DENND1A: variants seen among roughly 807,000 people sequenced by gnomAD.
DENND1A encodes DENN domain containing 1A, also known as DENN domain-containing protein 1A.
In DENND1A, 51 loss-of-function variants were observed where a neutral mutation model predicts 113.7. The observed-to-expected ratio is 0.45, with a 90% CI of 0.36 to 0.57. The LOEUF (loss-of-function observed/expected upper bound fraction) is 0.57. DENND1A is among the 20% of genes least tolerant of loss of function. DENND1A has a pLI of 0.00. For synonymous variants in DENND1A, 565 were observed against 570.8 expected, an observed-to-expected ratio of 0.99 and a Z score of 0.14; for missense variants, 1,258 against 1,395.9, an observed-to-expected ratio of 0.90 and a Z score of 1.57.
chr9:123,658,608 G>A (rs575138613), intron 8 of DENND1A, among the ~76,000 whole-genome samples: 3 of 152,286 alleles, frequency 2.0e-5, no homozygotes, highest in Non-Finnish European at 4.4e-5. Context: ...AATTTTTTAA[G>A]TTTGCTTTTC....
At chr9:123,406,069 T>C (rs2131371742) in intron 20 of DENND1A, among the ~76,000 whole-genome samples, 1 of 152,254 alleles carries the variant, frequency 6.6e-6, no homozygotes, top group Middle Eastern at 3.4e-3. Context: ...CTGAACATCG[T>C]ACCCCCCACC....
chr9:123,454,636 A>G (rs1401729008), intron 16 of DENND1A, 103 bp downstream of exon 16: 4 of 1,170,492 alleles, frequency 3.4e-6, no homozygotes, highest in Non-Finnish European at 3.7e-6. Context: ...TCCAGCAGAG[A>G]GAATGGAGTG....
At chr9:123,841,525 A>G (rs1351827459) in intron 2 of DENND1A, among the ~76,000 whole-genome samples, 5 of 152,208 alleles carry the variant, frequency 3.3e-5, no homozygotes, top group African/African-American at 1.2e-4. Flanking sequence ...CTACCCTCAC[A>G]GAGTTTAAGG....
chr9:123,564,579 T>C (rs1011284404), intron 12 of DENND1A, among the ~76,000 whole-genome samples: 3 of 152,242 alleles, frequency 2.0e-5, no homozygotes, highest in Non-Finnish European at 4.4e-5. Context: ...TCACCCACCA[T>C]TGCCCCCCTG....
At chr9:123,726,141 G>A (rs1227568369) in intron 5 of DENND1A, among the ~76,000 whole-genome samples, 1 of 152,144 alleles carries the variant, frequency 6.6e-6, no homozygotes, top group Non-Finnish European at 1.5e-5. Flanking sequence ...AATATTTGTT[G>A]AATAAAATGT....
intron 13 of DENND1A, among the ~76,000 whole-genome samples, chr9:123,502,003 T>C (rs2052529084): frequency 6.6e-6 from 1 of 152,326 alleles, no homozygotes; most frequent in Admixed American, 6.5e-5. Context: ...ATCTCTCCTA[T>C]TGGTTCTGTC....
intron 21 of DENND1A, among the ~76,000 whole-genome samples, chr9:123,397,058 A>T (rs911269665): frequency 6.6e-6 from 1 of 152,216 alleles, no homozygotes; most frequent in African/African-American, 2.4e-5. Flanking sequence ...AATAGATCTC[A>T]TAAGACCTCC....
At chr9:123,892,272 T>C (rs73669013) in intron 1 of DENND1A, among the ~76,000 whole-genome samples, 12,758 of 152,234 alleles carry the variant, frequency 0.084, 1,128 homozygotes, top group African/African-American at 0.22. Flanking sequence ...TCATGGTGCA[T>C]TGGATAGAGT....
intron 5 of DENND1A, among the ~76,000 whole-genome samples, chr9:123,680,439 A>T (rs751702061): frequency 7.9e-5 from 12 of 152,272 alleles, no homozygotes; most frequent in Non-Finnish European, 1.3e-4. Flanking sequence ...TTATGGCAGC[A>T]ACAGCCCATA....
intron 5 of DENND1A, among the ~76,000 whole-genome samples, chr9:123,725,287 G>A (rs1383597656): frequency 6.6e-6 from 1 of 152,180 alleles, no homozygotes; most frequent in Admixed American, 6.5e-5. Context: ...AGGAATTTAT[G>A]AAGCCTTTTA....
At chr9:123,899,618 T>C (rs1851288361) in intron 1 of DENND1A, among the ~76,000 whole-genome samples, 1 of 152,248 alleles carries the variant, frequency 6.6e-6, no homozygotes. Context: ...ATGTAAAGTT[T>C]AATATATAAA....
At chr9:123,815,682 A>T (rs907562923) in intron 2 of DENND1A, among the ~76,000 whole-genome samples, 1 of 152,208 alleles carries the variant, frequency 6.6e-6, no homozygotes, top group African/African-American at 2.4e-5. Flanking sequence ...ACTTAAAACT[A>T]AATAGTTTTA....
chr9:123,443,410 T>C (rs2047072977), intron 18 of DENND1A, among the ~76,000 whole-genome samples: 1 of 152,238 alleles, frequency 6.6e-6, no homozygotes, highest in Admixed American at 6.5e-5. Context: ...TGCTGTCAAA[T>C]AAACCTTTGT....
At position 123,806,003 on chromosome 9, in the gene DENND1A, G is replaced by A. The variant is rs937043368; in HGVS notation, c.89-13373C>T. Among the ~76,000 whole-genome samples, 6 of 152,152 alleles carry A rather than the reference G, an allele frequency of 3.9e-5. No individual in the cohort carries two copies. The East Asian group carries it at 9.6e-4, about 24-fold the overall frequency. ...GAGTCTCGCTCTATCACCCAGGCTG[G>A]AGTGCAGTGGCACTATCTCTCCTCA... On this transcript the variant is annotated intron_variant, in intron 2 of 23. Transcript: ENST00000394215.
At chr9:123,486,387 C>T (rs1046648969) in intron 13 of DENND1A, among the ~76,000 whole-genome samples, 1 of 152,070 alleles carries the variant, frequency 6.6e-6, no homozygotes, top group South Asian at 2.1e-4. Context: ...TCACAGACAG[C>T]GTCACCTTGG....
intron 13 of DENND1A, among the ~76,000 whole-genome samples, chr9:123,499,969 T>C (rs1438280230): frequency 6.6e-6 from 1 of 152,202 alleles, no homozygotes; most frequent in Non-Finnish European, 1.5e-5. Flanking sequence ...CAAGGAAGCA[T>C]GGGCTCCCTT....
intron 13 of DENND1A, among the ~76,000 whole-genome samples, chr9:123,527,701 G>C (rs1306704066): frequency 1.4e-4 from 21 of 152,038 alleles, no homozygotes. Flanking sequence ...TTTCTGCACT[G>C]GTCTGACCCA....
intron 11 of DENND1A, among the ~76,000 whole-genome samples, chr9:123,601,240 C>T (rs989575162): frequency 4.6e-5 from 7 of 152,146 alleles, no homozygotes; most frequent in Admixed American, 1.3e-4. Context: ...AGACTGAAAA[C>T]GTACTGACTG....
intron 11 of DENND1A, among the ~76,000 whole-genome samples, chr9:123,602,867 G>A (rs549093056): frequency 2.6e-5 from 4 of 152,232 alleles, no homozygotes; most frequent in South Asian, 2.1e-4. Flanking sequence ...TTAATTTTAC[G>A]TAGAGATGAG....
Sources: allele counts gnomAD v4.1 joint callset (sites outside exome capture counted in the v4.1 genomes callset), GRCh38; gene constraint gnomAD v4.1.1; transcripts MANE v1.5; gene names NCBI Gene and HGNC (gene_info 2026-07-23, HGNC 2026-07-21).